NMRK2: variants seen among roughly 807,000 people sequenced by gnomAD.
NMRK2 encodes NRK 2.
NMRK2 carries 34 observed loss-of-function variants against 24.7 expected under a neutral mutation model. The ratio of observed to expected loss-of-function variants is 1.37; its 90% confidence interval spans 1.05 to 1.83. The LOEUF (loss-of-function observed/expected upper bound fraction) is 1.83. NMRK2 is among the 40% of genes most tolerant of loss of function. The pLI is 0.00. For missense variants in NMRK2, 341 were observed against 315.0 expected (o/e 1.08, Z -0.62); for synonymous variants, 145 against 125.6 (o/e 1.15, Z -1.03).
chr19:3,936,690 G>T, intron 3 of NMRK2, 25 bp downstream of exon 3: 1 of 1,532,814 alleles, frequency 6.5e-7, no homozygotes, highest in South Asian at 1.2e-5. Flanking sequence ...CCGGGGAGGT[G>T]GAGCTGAGAG....
chr19:3,933,606 G>T lies in NMRK2; in HGVS notation c.-66G>T. ...ATGAAGCCGGGACGCACTCCGGAGC[G>T]CACTGCGTGGTCGCACCCTACCCGG... On this transcript the variant is annotated 5_prime_UTR_variant, in exon 2 of 8. Transcript: ENST00000168977. 1.3e-6 allele frequency: 2 copies of T among 1,504,450 alleles called. No homozygotes were observed. Among genetic ancestry groups the T allele is most frequent in the East Asian group, 2.8e-5 (1 of 36,348 alleles). The allele number at this position is 1,504,450 out of a possible 1,614,324, so 93.2% of individuals were successfully genotyped here.
chr19:3,934,042 A>G (rs1308002938), intron 2 of NMRK2, among the ~76,000 whole-genome samples: 2 of 152,012 alleles, frequency 1.3e-5, no homozygotes, highest in South Asian at 2.1e-4. Flanking sequence ...GAGGTCAGGA[A>G]TTTGAGACCA....
chr19:3,933,315 G>C, intron 1 of NMRK2, 137 bp downstream of exon 1: 1 of 318,586 alleles, frequency 3.1e-6, no homozygotes, highest in African/African-American at 2.2e-5. Flanking sequence ...GAGGAGGGAA[G>C]AGGGTGGGGG....
intron 3 of NMRK2, 145 bp from the exon 4 acceptor site, chr19:3,937,094 TG>T: frequency 1.4e-6 from 1 of 723,590 alleles, no homozygotes. Flanking sequence ...ATTGATGGTC[TG>T]GGGAAAATCT....
Position 3,933,727 on chromosome 19 carries a change from C to T in NMRK2, c.26+30C>T, listed in dbSNP as rs747644586. 25 of 1,406,594 alleles carry T rather than the reference C, an allele frequency of 1.8e-5. No individual in the cohort carries two copies. The Admixed American group carries it at 6.4e-4, about 36-fold the overall frequency. 87.1% of individuals were successfully genotyped at this position (1,406,594 alleles called of 1,614,324 possible). On this transcript the variant is annotated intron_variant, in intron 2 of 7. Coordinates refer to ENST00000168977, the MANE Select transcript of NMRK2 (RefSeq NM_170678.3). ...GCGCCGGGGGACCTGGTGGGCGGCC[C>T]TGCGGGGCAAAGCCCCCTGTGCGCG...
rs575369452 is a variant in NMRK2 at position 3,933,600 on chromosome 19, C to T, written c.-72C>T. 98 of 1,498,786 alleles carry T rather than the reference C, an allele frequency of 6.5e-5. No individual in the cohort carries two copies. In the Admixed American group the frequency reaches 8.4e-4, roughly 13 times the overall value. The allele number at this position is 1,498,786 out of a possible 1,614,324, so 92.8% of individuals were successfully genotyped here. A position where few individuals can be genotyped will look rare whatever the true frequency, so the allele number is the denominator to read the frequency against. ...TTCTCAATGAAGCCGGGACGCACTC[C>T]GGAGCGCACTGCGTGGTCGCACCCT... On this transcript the variant is annotated 5_prime_UTR_variant, in exon 2 of 8. Transcript: ENST00000168977.
chr19:3,933,403 G>T, intron 1 of NMRK2, 55 bp from the exon 2 acceptor site: 1 of 491,812 alleles, frequency 2.0e-6, no homozygotes, highest in Non-Finnish European at 3.6e-6. Context: ...GGTGGGAGGA[G>T]GGAAGAGGCA....
At position 3,938,767 on chromosome 19, in the gene NMRK2, TC is replaced by T. The variant is rs2039266481; in HGVS notation, c.323+9del. The T allele has an allele frequency of 6.6e-7, 1 of 1,526,298 alleles. No individual in the cohort carries two copies. Among genetic ancestry groups the T allele is most frequent in the Non-Finnish European group, 8.9e-7 (1 of 1,127,410 alleles). The allele number at this position is 1,526,298 out of a possible 1,614,324, so 94.5% of individuals were successfully genotyped here. On this transcript the variant is annotated intron_variant, in intron 5 of 7. Transcript: ENST00000168977. ...CCTGCTCTACAGCTACAAGTAAACATCTGCAGGCTCTGGCCCCAGGCATGGC... is the reference window on the plus strand; with the variant it reads ...CCTGCTCTACAGCTACAAGTAAACATTGCAGGCTCTGGCCCCAGGCATGGC...
rs770023010 is a variant in NMRK2 at position 3,938,831 on chromosome 19, T to G, written c.323+72T>G. On this transcript the variant is annotated intron_variant, in intron 5 of 7. Transcript: ENST00000168977. The stretch of plus-strand genomic sequence containing the variant: ...GGTATAGCCATCTCTTGTTTTTTTT[T>G]TTTTTTTTTTTTGTTTTGTTTTTTT... 3.6e-4 allele frequency: 215 copies of G among 592,718 alleles called. 3 individuals are homozygous for G. Among genetic ancestry groups the G allele is most frequent in the Middle Eastern group, 9.9e-4 (2 of 2,012 alleles). 36.7% of individuals were successfully genotyped at this position (592,718 alleles called of 1,614,324 possible). A position where few individuals can be genotyped will look rare whatever the true frequency, so the allele number is the denominator to read the frequency against.
At chr19:3,935,670 C>T (rs1184029460) in intron 2 of NMRK2, among the ~76,000 whole-genome samples, 2 of 151,958 alleles carry the variant, frequency 1.3e-5, no homozygotes, top group African/African-American at 4.8e-5. Flanking sequence ...GCCTCGAACT[C>T]CCAGGCTCAG....
chr19:3,942,373 A>AC lies in NMRK2; in HGVS notation c.*102dup. The AC allele has an allele frequency of 2.9e-6, 3 of 1,036,542 alleles. 1 individual carries two copies. The South Asian group carries it at 4.6e-5, about 16-fold the overall frequency. 64.2% of individuals were successfully genotyped at this position (1,036,542 alleles called of 1,614,324 possible). On this transcript the variant is annotated 3_prime_UTR_variant, in exon 8 of 8. Transcript: ENST00000168977. ...GACTGAGCCCCAAGACGCCTCTGTA[A>AC]CCTCGCTGCAGCTTCAGTAGTAAAC...
chr19:3,939,780 G>A, intron 5 of NMRK2, 120 bp from the exon 6 acceptor site: 1 of 792,392 alleles, frequency 1.3e-6, no homozygotes, highest in Non-Finnish European at 2.1e-6. Context: ...TAAACTCACT[G>A]GCCCAGACCA....
intron 6 of NMRK2, among the ~76,000 whole-genome samples, chr19:3,940,174 C>T (rs1017826195): frequency 5.5e-5 from 8 of 146,654 alleles, no homozygotes; most frequent in Non-Finnish European, 9.1e-5. Context: ...TGGTGAAACC[C>T]CGTCTCTACT....
chr19:3,934,853 G>C (rs113692602), intron 2 of NMRK2, among the ~76,000 whole-genome samples: 17,215 of 152,092 alleles, frequency 0.11, 1,244 homozygotes, highest in Middle Eastern at 0.21. Flanking sequence ...AAAGTGCTGG[G>C]ATTACAGGCG....
intron 2 of NMRK2, 46 bp downstream of exon 2, chr19:3,933,743 C>G (rs562349174): frequency 7.2e-7 from 1 of 1,379,368 alleles, no homozygotes; most frequent in South Asian, 1.6e-5. Context: ...GGCAAAGCCC[C>G]CTGTGCGCGC....
intron 7 of NMRK2, 143 bp from the exon 8 acceptor site, chr19:3,941,940 C>T: frequency 1.5e-6 from 1 of 647,560 alleles, no homozygotes; most frequent in Non-Finnish European, 2.7e-6. Flanking sequence ...CGCGCCCGGC[C>T]CCCTCTTGCT....
chr19:3,940,335 C>CAAAAAAAAAAAAAA (rs978999079), intron 6 of NMRK2, among the ~76,000 whole-genome samples: 1 of 30,996 alleles, frequency 3.2e-5, no homozygotes, highest in Non-Finnish European at 6.3e-5. Flanking sequence ...GACTCTGTCT[C>CAAAAAAAAAAAAAA]AAAAAAAAAA....
intron 2 of NMRK2, among the ~76,000 whole-genome samples, chr19:3,934,172 C>T (rs1361745710): frequency 1.3e-5 from 2 of 152,046 alleles, no homozygotes; most frequent in South Asian, 4.1e-4. Context: ...CGCTTGAATC[C>T]GGGAGATGGA....
At chr19:3,939,251 T>C (rs143276018) in intron 5 of NMRK2, among the ~76,000 whole-genome samples, 2,764 of 151,324 alleles carry the variant, frequency 0.018, 32 homozygotes, top group African/African-American at 0.027. Flanking sequence ...GAGCCAGGCG[T>C]GGTGGCTCAC....
Sources: gnomAD v4.1 joint callset for allele counts (sites outside exome capture counted in the v4.1 genomes callset) on GRCh38, gnomAD v4.1.1 for gene constraint, MANE v1.5 for transcripts, NCBI Gene and HGNC (gene_info 2026-07-23, HGNC 2026-07-21) for gene names.